PARP8: variants seen among roughly 807,000 people sequenced by gnomAD.
The protein encoded by PARP8 is poly(ADP-ribose) polymerase family member 8.
PARP8 carries 51 observed loss-of-function variants against 124.1 expected under a neutral mutation model. The ratio of observed to expected loss-of-function variants is 0.41; its 90% CI spans 0.33 to 0.52. The LOEUF is 0.52. PARP8 is among the 20% of genes least tolerant of loss of function. The probability of loss-of-function intolerance (pLI) is 0.21; values close to 1 mark genes in which losing one functional copy is unlikely to be tolerated. For synonymous variants in PARP8, 391 were observed against 361.5 expected (o/e 1.08, Z -0.93); for missense variants, 860 against 1,018.9 (o/e 0.84, Z 2.12).
At chr5:50,715,860 T>TA (rs1755253707) in intron 2 of PARP8, among the ~76,000 whole-genome samples, 1 of 151,914 alleles carries the variant, frequency 6.6e-6, no homozygotes, top group Non-Finnish European at 1.5e-5. Context: ...ATAACCTTTT[T>TA]TAAAAAAATA....
Position 50,750,649 on chromosome 5 carries a change from T to C in PARP8, c.184+461T>C, listed in dbSNP as rs185511912. Among the ~76,000 whole-genome samples, 150 of 152,266 alleles carry C rather than the reference T, an allele frequency of 9.9e-4. 1 individual carries two copies. Among genetic ancestry groups the C allele is most frequent in the Non-Finnish European group, 1.0e-3 (69 of 67,978 alleles). On this transcript the variant is annotated intron_variant, in intron 3 of 25. Transcript: ENST00000281631. Reference sequence around the variant, plus strand: ...ATGGAGATAATGTAAAACTTACTTGTTTAGCATTTAAGTATTTTCTGCGGC... The same window carrying C: ...ATGGAGATAATGTAAAACTTACTTGCTTAGCATTTAAGTATTTTCTGCGGC...
chr5:50,790,944 A>G (rs1005371402), intron 10 of PARP8, among the ~76,000 whole-genome samples: 4 of 152,118 alleles, frequency 2.6e-5, no homozygotes, highest in African/African-American at 9.7e-5. Flanking sequence ...AGATTTGGCT[A>G]TGATCCTTAA....
intron 14 of PARP8, among the ~76,000 whole-genome samples, chr5:50,802,984 G>T: frequency 6.6e-6 from 1 of 152,036 alleles, no homozygotes; most frequent in South Asian, 2.1e-4. Context: ...ATTAATTCCT[G>T]TGGGAAATCT....
chr5:50,715,030 T>G, intron 2 of PARP8, among the ~76,000 whole-genome samples: 1 of 152,062 alleles, frequency 6.6e-6, no homozygotes, highest in East Asian at 1.9e-4. Flanking sequence ...CCTTTCATTT[T>G]CTGTAATTTT....
intron 2 of PARP8, chr5:50,744,731 A>C: frequency 1.4e-6 from 1 of 699,464 alleles, no homozygotes; most frequent in East Asian, 2.7e-5. Flanking sequence ...TTTTTCTCTG[A>C]ATAGGAATTC....
chr5:50,798,083 A>C (rs911897966), intron 14 of PARP8, among the ~76,000 whole-genome samples: 2 of 152,020 alleles, frequency 1.3e-5, no homozygotes, highest in Non-Finnish European at 2.9e-5. Flanking sequence ...TTTGTTTCTG[A>C]CTTCTTTCAC....
intron 2 of PARP8, among the ~76,000 whole-genome samples, chr5:50,736,991 A>G (rs1757535545): frequency 6.6e-6 from 1 of 152,170 alleles, no homozygotes; most frequent in Non-Finnish European, 1.5e-5. Context: ...TTTGACTTTA[A>G]AAAGTGCTTT....
At chr5:50,819,784 G>C (rs914861145) in intron 15 of PARP8, among the ~76,000 whole-genome samples, 3 of 151,994 alleles carry the variant, frequency 2.0e-5, no homozygotes, top group Non-Finnish European at 4.4e-5. Context: ...GTCAGTTCTT[G>C]TTTGGGTTTT....
rs1454867150 is a variant in PARP8 at position 50,788,255 on chromosome 5, G to GTATACAATATAATGTATTATGTAT, written c.671-250_671-227dup. The stretch of plus-strand genomic sequence containing the variant: ...ATTATTATACAGTATAATGTATAAT[G>GTATACAATATAATGTATTATGTAT]TATACAATATAATGTATTATGTATT... On this transcript the variant is annotated intron_variant, in intron 9 of 25. Coordinates refer to ENST00000281631, the MANE Select transcript of PARP8 (RefSeq NM_024615.4). 7.8e-4 allele frequency among the ~76,000 whole-genome samples: 113 copies of GTATACAATATAATGTATTATGTAT among 144,452 alleles called. 1 individual carries two copies. Among genetic ancestry groups the GTATACAATATAATGTATTATGTAT allele is most frequent in the African/African-American group, 2.8e-3 (106 of 38,440 alleles). 94.8% of individuals were successfully genotyped at this position (144,452 alleles called of 152,430 possible). A position where few individuals can be genotyped will look rare whatever the true frequency, so the allele number is the denominator to read the frequency against.
intron 2 of PARP8, among the ~76,000 whole-genome samples, chr5:50,735,696 G>A (rs1757399870): frequency 6.6e-6 from 1 of 152,134 alleles, no homozygotes; most frequent in Non-Finnish European, 1.5e-5. Flanking sequence ...CATATATTGA[G>A]CATCTGGGAC....
At chr5:50,710,684 T>C (rs1272731590) in intron 2 of PARP8, among the ~76,000 whole-genome samples, 2 of 152,216 alleles carry the variant, frequency 1.3e-5, no homozygotes, top group Non-Finnish European at 1.5e-5. Context: ...GGATGCTCTT[T>C]TGTTGTGTGA....
chr5:50,827,507 T>C (rs1287531478), intron 19 of PARP8, among the ~76,000 whole-genome samples: 1 of 152,166 alleles, frequency 6.6e-6, no homozygotes, highest in Non-Finnish European at 1.5e-5. Context: ...TAAAGCATAA[T>C]AATAATTTTT....
chr5:50,835,111 A>G (rs1381298980), intron 25 of PARP8, 96 bp downstream of exon 25: 8 of 904,496 alleles, frequency 8.8e-6, no homozygotes, highest in Admixed American at 4.3e-5. Context: ...CTGCCAAAAT[A>G]TAACAGGTAA....
chr5:50,694,637 A>G (rs768066386), intron 2 of PARP8, among the ~76,000 whole-genome samples: 3 of 152,174 alleles, frequency 2.0e-5, no homozygotes, highest in Non-Finnish European at 2.9e-5. Context: ...GACCACATGT[A>G]CCTGGCTGTA....
Position 50,698,442 on chromosome 5 carries a change from C to A in PARP8, c.146+30317C>A, listed in dbSNP as rs577427842. On this transcript the variant is annotated intron_variant, in intron 2 of 25. Transcript: ENST00000281631. ...TGAATTTCTCTCCCAGCAGGTTCTT[C>A]ATATCCCCTTCTTATTCCTTATTAT... 7.2e-5 allele frequency among the ~76,000 whole-genome samples: 11 copies of A among 152,286 alleles called. No homozygotes were observed. The South Asian group carries it at 2.3e-3, about 32-fold the overall frequency.
In PARP8 at chr5:50,685,625, C is replaced by G. The variant is rs571341361; in HGVS notation, c.146+17500C>G. ...CATTTTATTTTTATAGAGATAGGGT[C>G]TCTTTCTGTAGCCCAAGCTGGAGTA... On this transcript the variant is annotated intron_variant, in intron 2 of 25. Transcript: ENST00000281631. Among the ~76,000 whole-genome samples, 3 of 152,288 alleles carry G rather than the reference C, an allele frequency of 2.0e-5. No homozygotes were observed. The South Asian group carries it at 6.2e-4, about 32-fold the overall frequency.
chr5:50,795,486 T>C, intron 12 of PARP8, 69 bp downstream of exon 12: 2 of 1,297,460 alleles, frequency 1.5e-6, no homozygotes, highest in Non-Finnish European at 2.1e-6. Context: ...TTTTTTCTTA[T>C]AAGATCTGGT....
chr5:50,727,449 TCAAC>T (rs1756541736), intron 2 of PARP8, among the ~76,000 whole-genome samples: 1 of 152,176 alleles, frequency 6.6e-6, no homozygotes, highest in South Asian at 2.1e-4. Flanking sequence ...AGGTAGTATG[TCAAC>T]TGCTTTGATC....
intron 2 of PARP8, chr5:50,668,885 A>C (rs757828800): frequency 6.6e-6 from 1 of 152,256 alleles, no homozygotes; most frequent in Non-Finnish European, 1.5e-5. Context: ...GCCACATATG[A>C]GAAGTACCAG....
Sources: allele counts gnomAD v4.1 joint callset (sites outside exome capture counted in the v4.1 genomes callset), GRCh38; gene constraint gnomAD v4.1.1; transcripts MANE v1.5; gene names NCBI Gene and HGNC (gene_info 2026-07-23, HGNC 2026-07-21).